MROH9: variants seen among roughly 807,000 people sequenced by gnomAD.
The protein encoded by MROH9 is maestro heat like repeat family member 9.
MROH9 carries 92 observed loss-of-function variants against 98.2 expected under a neutral mutation model. The observed-to-expected ratio is 0.94, with a 90% CI of 0.79 to 1.11. The LOEUF is 1.11. Ranked by LOEUF, MROH9 falls within the 50% of genes most tolerant of loss-of-function variation. The pLI is 0.00. For missense variants in MROH9, 1,057 were observed against 1,014.8 expected (o/e 1.04, Z -0.57); for synonymous variants, 397 against 368.9 (o/e 1.08, Z -0.87).
intron 16 of MROH9, chr1:171,015,120 A>G: frequency 4.3e-6 from 2 of 465,826 alleles, no homozygotes; most frequent in South Asian, 3.1e-5. Flanking sequence ...TAATACATCC[A>G]ATAATAAATC....
At chr1:170,947,725 G>A in intron 3 of MROH9, 152 bp downstream of exon 3, 1 of 619,830 alleles carries the variant, frequency 1.6e-6, no homozygotes, top group South Asian at 2.1e-5. Flanking sequence ...GTTAAAAATT[G>A]TTTTTACCTG....
intron 20 of MROH9, among the ~76,000 whole-genome samples, chr1:171,034,186 G>A (rs1178734193): frequency 6.6e-6 from 1 of 152,052 alleles, no homozygotes; most frequent in Non-Finnish European, 1.5e-5. Context: ...CCTAAGTGAA[G>A]AGAAAATTGT....
rs963403303 is a variant in MROH9 at position 171,064,115 on chromosome 1, C to T, written c.2361C>T (p.Leu787=). ...ATATTACAGTTATTGAACGACTGCT[C>T]CGAGATGAAGACCCTATGATCAAAC... ...EVMLDVIERL[L]RDEDPMIKQL... is the part of the protein sequence containing the mutation. The change falls in exon 22 of 22, where the codon CTC becomes CTT. Residue 787 remains leucine, a synonymous_variant. Coordinates refer to ENST00000367759, the MANE Select transcript of MROH9 (RefSeq NM_001163629.2). The T allele has an allele frequency of 1.9e-6, 3 of 1,539,960 alleles. No homozygotes were observed. Among genetic ancestry groups the T allele is most frequent in the Non-Finnish European group, 2.6e-6 (3 of 1,144,236 alleles).
rs2101809015 is a variant in MROH9 at position 170,992,209 on chromosome 1, G to A, written c.1074G>A (p.Val358=). 6.2e-7 allele frequency: 1 copy of A among 1,613,170 alleles called. No homozygotes were observed. The highest frequency in any genetic ancestry group is 2.2e-5 in the East Asian group (1 of 44,822). The change falls in exon 12 of 22, where the codon GTG becomes GTA. Residue 358 remains valine, a synonymous_variant. Transcript: ENST00000367759. ...MWKAACSQAS[V]APHVLKTILL... ...AGGCGGCATGTTCTCAGGCGAGCGT[G>A]GCCCCTCACGTGCTGAAGACAATCT...
chr1:171,024,698 C>A lies in MROH9; in HGVS notation c.2111C>A (p.Thr704Lys), dbSNP rs1281846357. 6.4e-7 allele frequency: 1 copy of A among 1,551,112 alleles called. No individual in the cohort carries two copies. The highest frequency in any genetic ancestry group is 8.7e-7 in the Non-Finnish European group (1 of 1,146,728). Residue 704 changes from threonine to lysine, a missense_variant, in exon 19 of 22, where the codon ACA becomes AAA. Thr to Lys is a moderately conservative substitution (Grantham distance 78). Transcript: ENST00000367759. ...KICTSQLKWS[T>K]SRLLKDENYS... The stretch of plus-strand genomic sequence containing the variant: ...TGTACCTCACAATTAAAGTGGTCAA[C>A]ATCACGTTTGCTCAAAGATGAAAAT...
intron 20 of MROH9, among the ~76,000 whole-genome samples, chr1:171,055,058 C>T (rs1415100399): frequency 7.3e-5 from 11 of 150,126 alleles, no homozygotes; most frequent in African/African-American, 2.7e-4. Flanking sequence ...GACACTTGCA[C>T]ACGCATGTTT....
chr1:170,986,432 G>C, intron 9 of MROH9, 129 bp from the exon 10 acceptor site: 1 of 738,282 alleles, frequency 1.4e-6, no homozygotes, highest in Non-Finnish European at 2.1e-6. Context: ...ACTCCAACAA[G>C]ATGTATATGG....
chr1:170,986,429 C>A, intron 9 of MROH9, 132 bp from the exon 10 acceptor site: 1 of 710,148 alleles, frequency 1.4e-6, no homozygotes, highest in Non-Finnish European at 2.2e-6. Flanking sequence ...GAGACTCCAA[C>A]AAGATGTATA....
intron 20 of MROH9, among the ~76,000 whole-genome samples, chr1:171,040,565 G>A (rs778703212): frequency 2.6e-5 from 4 of 152,040 alleles, no homozygotes; most frequent in Non-Finnish European, 2.9e-5. Context: ...TTTATTTTCT[G>A]ATTACTCAAG....
In MROH9 at chr1:171,064,250, A is replaced by C. The variant is rs1040056678; in HGVS notation, c.2496A>C (p.Lys832Asn). 1 of 1,551,622 alleles carries C rather than the reference A, an allele frequency of 6.4e-7. No individual in the cohort carries two copies. The highest frequency in any genetic ancestry group is 2.0e-5 in the Admixed American group (1 of 51,002). Residue 832 changes from lysine (K) to asparagine (N), a missense_variant, in exon 22 of 22, where the codon AAA becomes AAC. By Grantham distance (94) the Lys-to-Asn change is moderately conservative. Transcript: ENST00000367759. Reference sequence around the variant, plus strand: ...TGCTTAAATTATTCTACATCAAAAAATTGAAGCCTCTTTACAATTATAACT... The same window carrying C: ...TGCTTAAATTATTCTACATCAAAAACTTGAAGCCTCTTTACAATTATAACT... ...QKLLKLFYIKKLKPLYNYNSP... is the reference protein window; with the variant it reads ...QKLLKLFYIKNLKPLYNYNSP...
chr1:171,005,904 G>A (rs1651938013), intron 15 of MROH9, among the ~76,000 whole-genome samples: 1 of 151,884 alleles, frequency 6.6e-6, no homozygotes, highest in African/African-American at 2.4e-5. Context: ...ACAAATTATT[G>A]AAGCTATATT....
Position 170,962,872 on chromosome 1 carries a change from A to G in MROH9, c.375+896A>G, listed in dbSNP as rs115770269. ...AAATGTAAACCCCAAAACTATAAAA[A>G]TCCTAGAAGACAACTTATGCAATAC... On this transcript the variant is annotated intron_variant, in intron 6 of 21. Coordinates refer to ENST00000367759, the MANE Select transcript of MROH9 (RefSeq NM_001163629.2). Among the ~76,000 whole-genome samples the G allele has an allele frequency of 8.1e-3, 1,226 of 152,254 alleles. 14 individuals carry two copies. Among genetic ancestry groups the G allele is most frequent in the African/African-American group, 0.028 (1,148 of 41,552 alleles).
chr1:170,947,705 AG>A, intron 3 of MROH9, 132 bp downstream of exon 3: 2 of 764,764 alleles, frequency 2.6e-6, no homozygotes, highest in Non-Finnish European at 4.1e-6. Context: ...GGGGAAAAAA[AG>A]GCAATTTGGT....
At chr1:171,059,122 G>A (rs1164100059) in intron 20 of MROH9, among the ~76,000 whole-genome samples, 2 of 151,190 alleles carry the variant, frequency 1.3e-5, no homozygotes, top group Non-Finnish European at 2.9e-5. Flanking sequence ...GAATCGACAA[G>A]AAACTTAAAT....
intron 20 of MROH9, among the ~76,000 whole-genome samples, chr1:171,058,230 C>A (rs1461070568): frequency 6.6e-6 from 1 of 151,796 alleles, no homozygotes; most frequent in Non-Finnish European, 1.5e-5. Context: ...TGAATAAATC[C>A]CCATTCACAA....
intron 1 of MROH9, among the ~76,000 whole-genome samples, chr1:170,939,948 G>A (rs1649057269): frequency 1.3e-5 from 2 of 152,284 alleles, no homozygotes; most frequent in South Asian, 2.1e-4. Context: ...GATGCATCAA[G>A]CACCACTGGA....
chr1:171,015,117 T>G (rs1332908401), intron 16 of MROH9: 1 of 466,760 alleles, frequency 2.1e-6, no homozygotes, highest in Non-Finnish European at 4.4e-6. Context: ...TTATAATACA[T>G]CCAATAATAA....
At chr1:170,937,934 G>T (rs1410289219) in intron 1 of MROH9, among the ~76,000 whole-genome samples, 2 of 152,162 alleles carry the variant, frequency 1.3e-5, no homozygotes, top group African/African-American at 4.8e-5. Context: ...GATCCATAAA[G>T]GTCTGGGTCA....
intron 20 of MROH9, among the ~76,000 whole-genome samples, chr1:171,049,755 C>A (rs1471848473): frequency 6.6e-6 from 1 of 151,758 alleles, no homozygotes; most frequent in Non-Finnish European, 1.5e-5. Flanking sequence ...GAACACAGCT[C>A]ACACAGCCTC....
Sources: gnomAD v4.1 joint callset for allele counts (sites outside exome capture counted in the v4.1 genomes callset) on GRCh38, gnomAD v4.1.1 for gene constraint, MANE v1.5 for transcripts, NCBI Gene and HGNC (gene_info 2026-07-23, HGNC 2026-07-21) for gene names.